CMSS1: variants seen among roughly 807,000 people sequenced by gnomAD.
The protein encoded by CMSS1 is protein CMSS1.
CMSS1 carries 33 observed loss-of-function variants against 43.5 expected under a neutral mutation model. That is an observed-to-expected ratio of 0.76 (90% confidence interval 0.57 to 1.01). CMSS1 has a LOEUF of 1.01. CMSS1 is among the 50% of genes least tolerant of loss of function. The pLI, the probability that CMSS1 is intolerant of heterozygous loss-of-function variation, is 0.00. For synonymous variants in CMSS1, 115 were observed against 117.2 expected, an observed-to-expected ratio of 0.98 and a Z score of 0.12; for missense variants, 313 against 326.4, an observed-to-expected ratio of 0.96 and a Z score of 0.32.
At chr3:99,929,771 A>G in intron 1 of CMSS1, 1 of 977,426 alleles carries the variant, frequency 1.0e-6, no homozygotes, top group Non-Finnish European at 1.5e-6. Context: ...ACTGTAAGGA[A>G]TCAAAGAGGA....
chr3:99,991,820 G>A (rs1709518194), intron 1 of CMSS1, among the ~76,000 whole-genome samples: 1 of 93,618 alleles, frequency 1.1e-5, no homozygotes, highest in African/African-American at 3.9e-5. Flanking sequence ...ATTCCATGGT[G>A]TGTGTATATA....
chr3:99,907,087 T>C (rs1294070594), intron 1 of CMSS1, among the ~76,000 whole-genome samples: 1 of 152,208 alleles, frequency 6.6e-6, no homozygotes. Flanking sequence ...CTTACTGTTA[T>C]TTAGACTTCA....
chr3:100,133,274 T>C (rs1032493402), intron 1 of CMSS1, among the ~76,000 whole-genome samples: 1 of 152,158 alleles, frequency 6.6e-6, no homozygotes. Flanking sequence ...GAAATACTCA[T>C]AATATAATAT....
Position 99,818,039 on chromosome 3 carries a change from C to T in CMSS1, c.60C>T (p.Ser20=). 6.2e-7 allele frequency: 1 copy of T among 1,613,528 alleles called. No homozygotes were observed. Residue 20 remains serine (S), a synonymous_variant, in exon 1 of 10, where the codon AGC becomes AGT. Coordinates refer to ENST00000421999, the MANE Select transcript of CMSS1 (RefSeq NM_032359.4). ...WENQPTGAGS[S]PEASDGEGEG... ...ACCAGCCGACTGGAGCAGGCAGCAG[C>T]CCAGGTACCCACTCTGTGCCCGCGC...
chr3:100,173,504 G>A (rs1380600224), intron 8 of CMSS1, among the ~76,000 whole-genome samples: 3 of 152,160 alleles, frequency 2.0e-5, no homozygotes, highest in African/African-American at 7.2e-5. Flanking sequence ...TGATCCAGCT[G>A]AAGAACTAAG....
chr3:100,059,948 G>A (rs953459218), intron 1 of CMSS1, among the ~76,000 whole-genome samples: 4 of 151,724 alleles, frequency 2.6e-5, no homozygotes, highest in Non-Finnish European at 5.9e-5. Flanking sequence ...TCGTTAGTGA[G>A]GTAAATCACA....
At chr3:100,147,232 C>T (rs2066860395) in intron 2 of CMSS1, among the ~76,000 whole-genome samples, 171 bp downstream of exon 2, 1 of 151,532 alleles carries the variant, frequency 6.6e-6, no homozygotes, top group East Asian at 1.9e-4. Flanking sequence ...CATTGTAAAC[C>T]AGCAAGTTCT....
intron 1 of CMSS1, among the ~76,000 whole-genome samples, chr3:99,991,994 GTA>G (rs1161596187): frequency 3.6e-4 from 52 of 145,386 alleles, no homozygotes; most frequent in African/African-American, 1.1e-3. Flanking sequence ...GTATATATAC[GTA>G]TATATATGTG....
intron 1 of CMSS1, among the ~76,000 whole-genome samples, chr3:99,821,696 A>G (rs1942442209): frequency 6.6e-6 from 1 of 152,220 alleles, no homozygotes; most frequent in South Asian, 2.1e-4. Context: ...TGTGAAGCTG[A>G]AAACTGAGAG....
At chr3:100,023,832 G>C (rs1344158965) in intron 1 of CMSS1, among the ~76,000 whole-genome samples, 4 of 152,166 alleles carry the variant, frequency 2.6e-5, no homozygotes, top group Non-Finnish European at 4.4e-5. Context: ...CTCCTTCACA[G>C]TGCTCATTGC....
intron 1 of CMSS1, among the ~76,000 whole-genome samples, chr3:99,835,589 A>G (rs1559649636): frequency 6.6e-6 from 1 of 152,214 alleles, no homozygotes; most frequent in Non-Finnish European, 1.5e-5. Context: ...GAATCCCTGC[A>G]GTGGGAATTA....
chr3:99,973,930 T>G (rs912960729), intron 1 of CMSS1, among the ~76,000 whole-genome samples: 3 of 152,226 alleles, frequency 2.0e-5, no homozygotes, highest in African/African-American at 7.2e-5. Context: ...AGATCTTGCA[T>G]TGTTTTCTGT....
At position 99,817,909 on chromosome 3, in the gene CMSS1, T is replaced by G; in HGVS notation, c.-71T>G. On this transcript the variant is annotated 5_prime_UTR_variant, in exon 1 of 10. Transcript: ENST00000421999. ...TGTAGCTACGCCGGCCGCCTGGCTTTGAGACAACGTGATTCTCCGCAGCTG... is the reference window on the plus strand; with the variant it reads ...TGTAGCTACGCCGGCCGCCTGGCTTGGAGACAACGTGATTCTCCGCAGCTG... The G allele has an allele frequency of 7.4e-5, 113 of 1,535,306 alleles. No individual in the cohort carries two copies. Among genetic ancestry groups the G allele is most frequent in the Non-Finnish European group, 9.4e-5 (105 of 1,111,682 alleles).
chr3:100,120,876 A>T (rs1377486775), intron 1 of CMSS1, among the ~76,000 whole-genome samples: 1 of 152,126 alleles, frequency 6.6e-6, no homozygotes, highest in Non-Finnish European at 1.5e-5. Flanking sequence ...GAGGACACCG[A>T]GTCAACCCAG....
intron 7 of CMSS1, 40 bp downstream of exon 7, chr3:100,171,939 G>A (rs192171324): frequency 0.011 from 16,951 of 1,499,200 alleles, 142 homozygotes; most frequent in South Asian, 0.017. Context: ...GCCTCTCCCA[G>A]ACCTCAGCTT....
chr3:100,099,436 G>A (rs777866962), intron 1 of CMSS1, among the ~76,000 whole-genome samples: 29 of 152,160 alleles, frequency 1.9e-4, no homozygotes, highest in Non-Finnish European at 3.1e-4. Context: ...CAAGGGTAAG[G>A]AAGGTAGAGG....
At chr3:99,850,529 C>A in intron 1 of CMSS1, 1 of 1,613,474 alleles carries the variant, frequency 6.2e-7, no homozygotes, top group Non-Finnish European at 8.5e-7. Context: ...TCTTTCCCTT[C>A]CATATCTAGC....
chr3:100,055,966 G>A (rs1432705978), intron 1 of CMSS1, among the ~76,000 whole-genome samples: 2 of 152,126 alleles, frequency 1.3e-5, no homozygotes, highest in Admixed American at 1.3e-4. Context: ...CTTGTGTATG[G>A]AGTCCAAGCT....
intron 1 of CMSS1, among the ~76,000 whole-genome samples, chr3:100,060,275 T>C (rs899911906): frequency 7.2e-5 from 11 of 152,198 alleles, no homozygotes; most frequent in Admixed American, 6.5e-4. Flanking sequence ...TGAAGTACCA[T>C]GCAAGGAGAA....
Sources: gnomAD v4.1 joint callset for allele counts (sites outside exome capture counted in the v4.1 genomes callset) on GRCh38, gnomAD v4.1.1 for gene constraint, MANE v1.5 for transcripts, NCBI Gene and HGNC (gene_info 2026-07-23, HGNC 2026-07-21) for gene names.